Variants in MBNL1 observed in about 807,000 individuals in gnomAD.
MBNL1 encodes muscleblind like splicing regulator 1, also known as muscleblind-like protein 1.
A neutral mutation model predicts 42.2 loss-of-function variants in MBNL1; 8 were observed. That is an observed-to-expected ratio of 0.19 (90% CI 0.11 to 0.34). The LOEUF is 0.34. Among genes scored for constraint, MBNL1 ranks in the 10% least tolerant of loss-of-function variants. The pLI is 1.00. For missense variants in MBNL1, 309 were observed against 495.3 expected (o/e 0.62, Z 3.57); for synonymous variants, 169 against 173.9 (o/e 0.97, Z 0.22).
intron 2 of MBNL1, among the ~76,000 whole-genome samples, chr3:152,325,804 T>C (rs868539958): frequency 5.3e-5 from 8 of 150,954 alleles, no homozygotes; most frequent in South Asian, 2.1e-4. Context: ...TTTTTTTTTT[T>C]CCCCTGTGAT....
chr3:152,450,440 A>G (rs1477790066), intron 6 of MBNL1, among the ~76,000 whole-genome samples: 1 of 152,228 alleles, frequency 6.6e-6, no homozygotes, highest in African/African-American at 2.4e-5. Flanking sequence ...TCAGAAAGGA[A>G]AGAAGTCTAA....
At chr3:152,382,684 T>C (rs1184695722) in intron 2 of MBNL1, among the ~76,000 whole-genome samples, 1 of 152,116 alleles carries the variant, frequency 6.6e-6, no homozygotes, top group Non-Finnish European at 1.5e-5. Flanking sequence ...TGGCAGAATA[T>C]AAAAAGGAGT....
intron 2 of MBNL1, among the ~76,000 whole-genome samples, chr3:152,407,047 CTGTGTG>C (rs373321399): frequency 4.4e-5 from 3 of 67,594 alleles, no homozygotes; most frequent in Non-Finnish European, 1.0e-4. Flanking sequence ...TGTTAAGCCA[CTGTGTG>C]TGTGTGTGTG....
In MBNL1 at chr3:152,442,372, A is replaced by T. The variant is rs529298991; in HGVS notation, c.550-2910A>T. Among the ~76,000 whole-genome samples the T allele has an allele frequency of 3.6e-3, 555 of 152,346 alleles. 3 individuals carry two copies. Among genetic ancestry groups the T allele is most frequent in the Admixed American group, 7.6e-3 (117 of 15,304 alleles). On this transcript the variant is annotated intron_variant, in intron 4 of 9. Coordinates refer to ENST00000324210, the MANE Select transcript of MBNL1 (RefSeq NM_021038.5). The stretch of plus-strand genomic sequence containing the variant: ...TATGCTGCATTGTTGAGCATAAAAG[A>T]TCACCAAATAATAGCTATACTATAA...
chr3:152,309,764 A>T (rs973380051), intron 2 of MBNL1, among the ~76,000 whole-genome samples: 7 of 152,188 alleles, frequency 4.6e-5, no homozygotes, highest in African/African-American at 1.7e-4. Context: ...TTGCTTTCAG[A>T]TATCTTTGCT....
chr3:152,393,973 A>G (rs1254894076), intron 2 of MBNL1, among the ~76,000 whole-genome samples: 1 of 152,198 alleles, frequency 6.6e-6, no homozygotes, highest in Non-Finnish European at 1.5e-5. Flanking sequence ...TTATTAAGCT[A>G]TTCCAGTGGT....
chr3:152,390,048 T>C (rs146913346), intron 2 of MBNL1, among the ~76,000 whole-genome samples: 5,038 of 151,982 alleles, frequency 0.033, 282 homozygotes, highest in African/African-American at 0.12. Flanking sequence ...TTTTGTATTT[T>C]TAGTAGAGAC....
At chr3:152,419,987 C>T (rs188338545) in intron 3 of MBNL1, among the ~76,000 whole-genome samples, 28 of 152,250 alleles carry the variant, frequency 1.8e-4, no homozygotes, top group Admixed American at 1.2e-3. Flanking sequence ...ACCAAGCTGC[C>T]AGGAAGTTTG....
At chr3:152,362,113 A>G (rs1377343525) in intron 2 of MBNL1, among the ~76,000 whole-genome samples, 3 of 152,226 alleles carry the variant, frequency 2.0e-5, no homozygotes, top group Admixed American at 2.0e-4. Flanking sequence ...TGTTGAGTAA[A>G]TGAGTAGGAA....
At chr3:152,251,733 G>T (rs1217055097) in intron 2 of MBNL1, among the ~76,000 whole-genome samples, 1 of 151,906 alleles carries the variant, frequency 6.6e-6, no homozygotes, top group Non-Finnish European at 1.5e-5. Context: ...CGTATCTAGA[G>T]GCACATGAGG....
intron 2 of MBNL1, among the ~76,000 whole-genome samples, chr3:152,377,659 GGC>G (rs1374162623): frequency 6.6e-6 from 1 of 152,090 alleles, no homozygotes; most frequent in Non-Finnish European, 1.5e-5. Context: ...CATATTTGGA[GGC>G]CACATTCATG....
intron 3 of MBNL1, among the ~76,000 whole-genome samples, chr3:152,427,403 T>C (rs1225222405): frequency 6.6e-6 from 1 of 152,150 alleles, no homozygotes; most frequent in Non-Finnish European, 1.5e-5. Flanking sequence ...ACCCTTTTTT[T>C]AAAGATAGAG....
intron 2 of MBNL1, among the ~76,000 whole-genome samples, chr3:152,401,313 CA>C (rs1425392780): frequency 1.3e-5 from 2 of 151,936 alleles, no homozygotes; most frequent in African/African-American, 4.8e-5. Flanking sequence ...TTCTACTTGG[CA>C]AGAAAAGAAG....
At chr3:152,246,203 T>C (rs2032963277) in intron 2 of MBNL1, among the ~76,000 whole-genome samples, 1 of 152,198 alleles carries the variant, frequency 6.6e-6, no homozygotes, top group African/African-American at 2.4e-5. Flanking sequence ...GTGTTATATG[T>C]AGTATGGTAA....
chr3:152,333,261 T>G (rs2086624102), intron 2 of MBNL1, among the ~76,000 whole-genome samples: 1 of 152,192 alleles, frequency 6.6e-6, no homozygotes, highest in Non-Finnish European at 1.5e-5. Flanking sequence ...ATGTGAAAAC[T>G]GAATTTGTCC....
At chr3:152,372,172 T>C (rs114780648) in intron 2 of MBNL1, among the ~76,000 whole-genome samples, 3 of 152,206 alleles carry the variant, frequency 2.0e-5, no homozygotes, top group African/African-American at 7.2e-5. Flanking sequence ...TGATTTTCTC[T>C]AGACTGGTTA....
intron 2 of MBNL1, among the ~76,000 whole-genome samples, chr3:152,393,727 A>G (rs1220416724): frequency 6.6e-6 from 1 of 152,188 alleles, no homozygotes; most frequent in Non-Finnish European, 1.5e-5. Flanking sequence ...GCAAGTAGAT[A>G]CCTTATATAT....
chr3:152,334,457 A>G (rs907282785), intron 2 of MBNL1, among the ~76,000 whole-genome samples: 3 of 152,214 alleles, frequency 2.0e-5, no homozygotes, highest in Non-Finnish European at 4.4e-5. Context: ...GTCGAACGCC[A>G]CTAGAAAGAA....
chr3:152,268,839 C>T (rs541631393), upstream of MBNL1: 3 of 453,376 alleles, frequency 6.6e-6, no homozygotes, highest in East Asian at 7.0e-5. Context: ...CCCTGGGCTT[C>T]CTGGTGGGGC....
Sources: allele counts gnomAD v4.1 joint callset (sites outside exome capture counted in the v4.1 genomes callset), GRCh38; gene constraint gnomAD v4.1.1; transcripts MANE v1.5; gene names NCBI Gene and HGNC (gene_info 2026-07-23, HGNC 2026-07-21).